Variants in NRXN2 observed in about 807,000 individuals in gnomAD.
The protein encoded by NRXN2 is neurexin 2.
A neutral mutation model predicts 128.8 loss-of-function variants in NRXN2; 29 were observed. The observed-to-expected ratio is 0.23, with a 90% CI of 0.17 to 0.31. The LOEUF is 0.31. Among genes scored for constraint, NRXN2 ranks in the 10% least tolerant of loss-of-function variants. NRXN2 has a pLI of 1.00. For missense variants in NRXN2, 1,881 were observed against 2,452.6 expected (o/e 0.77, Z 4.92); for synonymous variants, 1,098 against 1,075.2 (o/e 1.02, Z -0.41).
rs2046998624 is a variant in NRXN2 at position 64,648,336 on chromosome 11, G to C, written c.3286C>G (p.Pro1096Ala). 1 of 1,614,062 alleles carries C rather than the reference G, an allele frequency of 6.2e-7. No individual in the cohort carries two copies. Among genetic ancestry groups the C allele is most frequent in the Admixed American group, 1.7e-5 (1 of 60,014 alleles). The change falls in exon 17 of 23, where the codon CCC becomes GCC. Residue 1096 changes from proline (P) to alanine (A), a missense_variant and splice_region_variant. Physicochemically the swap from Pro to Ala is conservative, Grantham distance 27. Transcript: ENST00000265459. The surrounding 1 kb of genome is among the most constrained non-coding windows in gnomAD (Gnocchi z 4.1). ...IGQVERGCDG[P>A]STTCTEESCA... Reference sequence around the variant, plus strand: ...GACTCTTCAGTGCAGGTGGTGCTGGGGCCTGGAAGGGGCAGGAGAAAGGAA... The same window carrying C: ...GACTCTTCAGTGCAGGTGGTGCTGGCGCCTGGAAGGGGCAGGAGAAAGGAA...
At position 64,690,452 on chromosome 11, in the gene NRXN2, C is replaced by T. The variant is rs370382400; in HGVS notation, c.803G>A (p.Gly268Glu). 9 of 1,613,688 alleles carry T rather than the reference C, an allele frequency of 5.6e-6. No homozygotes were observed. The South Asian group carries it at 6.6e-5, about 12-fold the overall frequency. Residue 268 changes from glycine to glutamate, a missense_variant, in exon 5 of 23, where the codon GGG (glycine) becomes GAG (glutamate). Coordinates refer to ENST00000265459, the MANE Select transcript of NRXN2 (RefSeq NM_015080.4). The stretch of plus-strand genomic sequence containing the variant: ...GCCGGCTCCTCCTCTCCCGGCCCCC[C>T]CCTCGGAGAACAGTAAGGACCCTAC... ...SEVGSLLFSE[G>E]GAGRGGAGDV...
intron 5 of NRXN2, chr11:64,688,860 CG>C: frequency 2.1e-6 from 2 of 957,092 alleles, no homozygotes; most frequent in Non-Finnish European, 2.5e-6. Context: ...AGGTCTCCAG[CG>C]CCCCCCTCCG....
At chr11:64,664,941 G>C (rs1048047470) in intron 9 of NRXN2, among the ~76,000 whole-genome samples, 14 of 148,236 alleles carry the variant, frequency 9.4e-5, no homozygotes, top group African/African-American at 3.2e-4. Flanking sequence ...AGTGAGCTGA[G>C]ATCACGCCAC....
intron 17 of NRXN2, among the ~76,000 whole-genome samples, chr11:64,647,279 T>C (rs2046841200): frequency 6.6e-6 from 1 of 151,758 alleles, no homozygotes; most frequent in Non-Finnish European, 1.5e-5. Context: ...TCCCAGGCAG[T>C]TGACTTTTCT....
In NRXN2 at chr11:64,660,844, G is replaced by A. The variant is rs1402345893; in HGVS notation, c.2094C>T (p.Pro698=). 6.2e-7 allele frequency: 1 copy of A among 1,614,020 alleles called. No individual in the cohort carries two copies. Among genetic ancestry groups the A allele is most frequent in the East Asian group, 2.2e-5 (1 of 44,874 alleles). The change falls in exon 10 of 23, where the codon CCC becomes CCT. Residue 698 remains proline (P), a synonymous_variant. Coordinates refer to ENST00000265459, the MANE Select transcript of NRXN2 (RefSeq NM_015080.4). This position sits in a 1 kb window ranked among gnomAD's most constrained non-coding sequence, Gnocchi z 5.2. ...RETLKQCASA[P]CRNGGVCREG... is the part of the protein sequence containing the mutation. Reference sequence around the variant, plus strand: ...CTCGACAGACGCCCCCATTGCGACAGGGGGCAGATGCACACTGCTTCAGCG... The same window carrying A: ...CTCGACAGACGCCCCCATTGCGACAAGGGGCAGATGCACACTGCTTCAGCG...
At chr11:64,703,211 C>G (rs1282031910) in intron 2 of NRXN2, among the ~76,000 whole-genome samples, 1 of 152,164 alleles carries the variant, frequency 6.6e-6, no homozygotes, top group African/African-American at 2.4e-5. Flanking sequence ...ATTCATCTCT[C>G]TATATCCAGC....
At chr11:64,661,343 G>A (rs996238568) in intron 9 of NRXN2, 2 of 1,457,630 alleles carry the variant, frequency 1.4e-6, no homozygotes, top group Non-Finnish European at 9.0e-7. Flanking sequence ...CAGGCTCAGA[G>A]GCTTCTGTGA....
rs534194686 is a variant in NRXN2, at chr11:64,632,867, G to A, written c.3586-2294C>T. Among the ~76,000 whole-genome samples, 44 of 152,366 alleles carry A rather than the reference G, an allele frequency of 2.9e-4. 1 individual carries two copies. The South Asian group carries it at 8.5e-3, about 29-fold the overall frequency. ...AATTAATTTGGCAAAGTGGAGCGACGCTTTATTAGAAACGTCAAATTGCTT... is the reference window on the plus strand; with the variant it reads ...AATTAATTTGGCAAAGTGGAGCGACACTTTATTAGAAACGTCAAATTGCTT... On this transcript the variant is annotated intron_variant, in intron 18 of 22. Coordinates refer to ENST00000265459, the MANE Select transcript of NRXN2 (RefSeq NM_015080.4). This position sits in a 1 kb window ranked among gnomAD's most constrained non-coding sequence, Gnocchi z 4.2.
At chr11:64,708,067 C>T (rs1376377637) in intron 2 of NRXN2, among the ~76,000 whole-genome samples, 1 of 151,078 alleles carries the variant, frequency 6.6e-6, no homozygotes, top group African/African-American at 2.4e-5. Context: ...CATTGCACTC[C>T]AGCCTGGGCA....
At chr11:64,681,097 C>CAA (rs59532747) in intron 6 of NRXN2, among the ~76,000 whole-genome samples, 5 of 66,636 alleles carry the variant, frequency 7.5e-5, no homozygotes, top group African/African-American at 2.2e-4. Flanking sequence ...ACTCTATCTC[C>CAA]AAAAAAAAAA....
chr11:64,684,327 T>C (rs891183885), intron 6 of NRXN2, among the ~76,000 whole-genome samples: 3 of 152,098 alleles, frequency 2.0e-5, no homozygotes, highest in African/African-American at 7.2e-5. Context: ...TGCTCGGTAA[T>C]GACAACGCGG....
At chr11:64,618,290 T>C (rs1166152833) in intron 22 of NRXN2, among the ~76,000 whole-genome samples, 1 of 152,212 alleles carries the variant, frequency 6.6e-6, no homozygotes, top group African/African-American at 2.4e-5. Flanking sequence ...CAGTGTGCAC[T>C]GCATGCCCCT....
intron 15 of NRXN2, 126 bp from the exon 16 acceptor site, chr11:64,649,033 C>T: frequency 1.0e-6 from 1 of 977,080 alleles, no homozygotes; most frequent in Non-Finnish European, 1.6e-6. Context: ...TTCCAGGTCC[C>T]TAACAGAGAT....
At chr11:64,657,164 T>G (rs1169298683) in intron 11 of NRXN2, among the ~76,000 whole-genome samples, 1 of 152,214 alleles carries the variant, frequency 6.6e-6, no homozygotes, top group Non-Finnish European at 1.5e-5. Flanking sequence ...AGCCCAGGCC[T>G]GGGGCCTTGG....
chr11:64,654,570 G>A (rs1591835245), intron 11 of NRXN2, among the ~76,000 whole-genome samples: 1 of 152,172 alleles, frequency 6.6e-6, no homozygotes, highest in Admixed American at 6.5e-5. Context: ...TCAGGACTGG[G>A]AAGGCCCCGT....
At chr11:64,706,071 TATATATA>T (rs1489731820) in intron 2 of NRXN2, among the ~76,000 whole-genome samples, 82 of 79,288 alleles carry the variant, frequency 1.0e-3, no homozygotes, top group Admixed American at 2.2e-3. Context: ...CTTTTATATA[TATATATA>T]ATATATATAA....
At chr11:64,719,444 C>T (rs1355778746) in intron 1 of NRXN2, among the ~76,000 whole-genome samples, 1 of 152,208 alleles carries the variant, frequency 6.6e-6, no homozygotes, top group East Asian at 1.9e-4. Context: ...AAAGATAAGT[C>T]GGAGTCCCAT....
chr11:64,683,631 A>G (rs2052611589), intron 6 of NRXN2, among the ~76,000 whole-genome samples: 1 of 151,994 alleles, frequency 6.6e-6, no homozygotes, highest in Admixed American at 6.5e-5. Context: ...AAAAAAAAAA[A>G]AAAAAGAAAA....
Position 64,650,576 on chromosome 11 carries a change from T to C in NRXN2, c.2981A>G (p.Lys994Arg), listed in dbSNP as rs1410622178. Reference sequence around the variant, plus strand: ...GTGCCACTGGTTGTCATTGACTGGTTTGTCTGAGTTCCCCTTCATCAAGGA... The same window carrying C: ...GTGCCACTGGTTGTCATTGACTGGTCTGTCTGAGTTCCCCTTCATCAAGGA... ...GPSLMKGNSD[K>R]PVNDNQWHNV... The change falls in exon 15 of 23, where the codon AAA becomes AGA. Residue 994 changes from lysine (K) to arginine (R), a missense_variant. Around this residue, in one of 7 missense-constraint regions of NRXN2, gnomAD observed 390 missense variants for 599.6 expected, o/e 0.65. Transcript: ENST00000265459. 9 of 1,614,094 alleles carry C rather than the reference T, an allele frequency of 5.6e-6. No homozygotes were observed. In the East Asian group the frequency reaches 1.8e-4, roughly 32 times the overall value.
Sources: allele counts gnomAD v4.1 joint callset (sites outside exome capture counted in the v4.1 genomes callset), GRCh38; gene constraint gnomAD v4.1.1; regional missense constraint gnomAD v4.1.1; non-coding constraint Gnocchi (gnomAD v3.1); transcripts MANE v1.5; gene names NCBI Gene and HGNC (gene_info 2026-07-23, HGNC 2026-07-21).